ALAS1: variants seen among roughly 807,000 people sequenced by gnomAD.
The protein encoded by ALAS1 is 5-aminolevulinate synthase, non-specific, mitochondrial.
A neutral mutation model predicts 59.6 loss-of-function variants in ALAS1; 29 were observed. The observed-to-expected ratio is 0.49, with a 90% CI of 0.36 to 0.66. The LOEUF is 0.66. Ranked by LOEUF, ALAS1 falls within the 30% of genes least tolerant of loss-of-function variation. The probability of loss-of-function intolerance (pLI) is 0.00; values close to 1 mark genes in which losing one functional copy is unlikely to be tolerated. For missense variants in ALAS1, 690 were observed against 807.5 expected (o/e 0.85, Z 1.76); for synonymous variants, 299 against 296.6 (o/e 1.01, Z -0.08).
In ALAS1 at chr3:52,204,780, T is replaced by A. The variant is rs1218573706; in HGVS notation, c.665T>A (p.Val222Glu). Residue 222 changes from valine (V) to glutamate (E), a missense_variant, in exon 6 of 12, where the codon GTG becomes GAG. Transcript: ENST00000484952. ...CACACCTATCGAGTTTTTAAAACTG[T>A]GAACCGGCGAGCACACATCTTCCCC... The part of the protein sequence containing the change: ...NDHTYRVFKT[V>E]NRRAHIFPMA... 1 of 1,614,180 alleles carries A rather than the reference T, an allele frequency of 6.2e-7. No individual in the cohort carries two copies. Among genetic ancestry groups the A allele is most frequent in the Non-Finnish European group, 8.5e-7 (1 of 1,180,038 alleles).
At chr3:52,201,218 G>C (rs541551285) in intron 3 of ALAS1, among the ~76,000 whole-genome samples, 2 of 152,338 alleles carry the variant, frequency 1.3e-5, no homozygotes, top group Non-Finnish European at 2.9e-5. Flanking sequence ...TGCTCAAGGG[G>C]AGAGGGAAGT....
chr3:52,204,957 G>A (rs770386748), intron 6 of ALAS1, 42 bp downstream of exon 6: 1 of 1,538,338 alleles, frequency 6.5e-7, no homozygotes, highest in Non-Finnish European at 9.0e-7. Context: ...TTGTTATTTG[G>A]CAAGCCAATG....
chr3:52,198,126 C>G (rs564394089), upstream of ALAS1: 13 of 398,280 alleles, frequency 3.3e-5, no homozygotes, highest in East Asian at 4.6e-4. Context: ...CGGTCACTCC[C>G]GCTGTATATT....
rs574961262 is a variant in ALAS1, at chr3:52,202,649, G to C, written c.342G>C (p.Gln114His). 3.1e-6 allele frequency: 5 copies of C among 1,614,194 alleles called. No homozygotes were observed. The South Asian group carries it at 5.5e-5, about 18-fold the overall frequency. ...TASKCPFLAA[Q>H]MNQRGSSVFC... is the part of the protein sequence containing the mutation. Reference sequence around the variant, plus strand: ...GCAAATGCCCTTTCCTGGCAGCACAGATGAATCAGAGAGGCAGCAGTGTCT... The same window carrying C: ...GCAAATGCCCTTTCCTGGCAGCACACATGAATCAGAGAGGCAGCAGTGTCT... The change falls in exon 4 of 12, where the codon CAG (glutamine) becomes CAC (histidine). Residue 114 changes from glutamine (Q) to histidine (H), a missense_variant. Gln to His is a conservative substitution (Grantham distance 24, BLOSUM62 0). Coordinates refer to ENST00000484952, the MANE Select transcript of ALAS1 (RefSeq NM_000688.6).
Position 52,198,665 on chromosome 3 carries a change from T to C in ALAS1, c.-209-7T>C. The stretch of plus-strand genomic sequence containing the variant: ...CCCTACCCTCATTTGTGCCCCTCCT[T>C]TCTCAGTTATGCCCAGTTCTTCCCG... On this transcript the variant is annotated splice_polypyrimidine_tract_variant and splice_region_variant and intron_variant, in intron 1 of 11. Coordinates refer to ENST00000484952, the MANE Select transcript of ALAS1 (RefSeq NM_000688.6). 1.3e-6 allele frequency: 1 copy of C among 789,040 alleles called. No individual in the cohort carries two copies. Among genetic ancestry groups the C allele is most frequent in the African/African-American group, 1.7e-5 (1 of 58,332 alleles). The allele number at this position is 789,040 out of a possible 1,614,324, so 48.9% of individuals were successfully genotyped here.
At chr3:52,202,796 C>T in intron 4 of ALAS1, 62 bp downstream of exon 4, 4 of 1,509,624 alleles carry the variant, frequency 2.6e-6, no homozygotes, top group Non-Finnish European at 2.7e-6. Context: ...CTTTTGGGCC[C>T]TCAGATTTGT....
In ALAS1 at chr3:52,198,858, G is replaced by A. The variant is rs1193470529; in HGVS notation, c.-33+10G>A. On this transcript the variant is annotated intron_variant, in intron 2 of 11. Transcript: ENST00000484952. ...TCTTCTCCACCTAGATGTAAGCCAA[G>A]ATGTCTTATCTGCACTGTGCATCTC... The A allele has an allele frequency of 1.3e-6, 2 of 1,535,662 alleles. No homozygotes were observed. The highest frequency in any genetic ancestry group is 2.4e-5 in the East Asian group (1 of 40,914).
intron 9 of ALAS1, 103 bp downstream of exon 9, chr3:52,208,350 T>TATGAA: frequency 7.6e-7 from 1 of 1,313,166 alleles, no homozygotes; most frequent in Non-Finnish European, 1.1e-6. Flanking sequence ...CCTGACAGCA[T>TATGAA]ATGAAGCCTG....
At chr3:52,207,292 C>T (rs995160673) in intron 8 of ALAS1, among the ~76,000 whole-genome samples, 5 of 152,084 alleles carry the variant, frequency 3.3e-5, no homozygotes, top group Non-Finnish European at 7.4e-5. Context: ...TGTGAGCCAC[C>T]GCACCTGGCC....
At chr3:52,199,117 C>A in intron 2 of ALAS1, 93 bp from the exon 3 acceptor site, 1 of 1,273,832 alleles carries the variant, frequency 7.9e-7, no homozygotes, top group East Asian at 2.5e-5. Flanking sequence ...TCCAGGGTAC[C>A]CTTTATATAA....
chr3:52,205,919 A>C lies in ALAS1; in HGVS notation c.881A>C (p.Glu294Ala). The part of the protein sequence containing the change: ...SGTSKFHVDL[E>A]RELADLHGKD... ...ACTAGTAAATTCCATGTGGACTTAG[A>C]GCGGGAGCTGGCAGACCTCCATGGG... The change falls in exon 7 of 12, where the codon GAG (glutamate) becomes GCG (alanine). Residue 294 changes from glutamate (E) to alanine (A), a missense_variant. Physicochemically the swap from Glu to Ala is moderately radical, Grantham distance 107 (BLOSUM62 -1). Coordinates refer to ENST00000484952, the MANE Select transcript of ALAS1 (RefSeq NM_000688.6). The C allele has an allele frequency of 6.2e-7, 1 of 1,614,154 alleles. No individual in the cohort carries two copies. Among genetic ancestry groups the C allele is most frequent in the Non-Finnish European group, 8.5e-7 (1 of 1,180,014 alleles).
At chr3:52,208,692 T>C (rs1699344524) in intron 9 of ALAS1, among the ~76,000 whole-genome samples, 1 of 152,228 alleles carries the variant, frequency 6.6e-6, no homozygotes. Flanking sequence ...CTCTTCCTCA[T>C]ACAGAGGCTA....
rs1220485673 is a variant in ALAS1, at chr3:52,198,160, AG to A, written c.-303del. 1 of 398,432 alleles carries A rather than the reference AG, an allele frequency of 2.5e-6. No homozygotes were observed. Among genetic ancestry groups the A allele is most frequent in the African/African-American group, 2.1e-5 (1 of 48,630 alleles). The allele number at this position is 398,432 out of a possible 1,614,324, so 24.7% of individuals were successfully genotyped here. On this transcript the variant is annotated 5_prime_UTR_variant, in exon 1 of 12. Coordinates refer to ENST00000484952, the MANE Select transcript of ALAS1 (RefSeq NM_000688.6). ...TTAAGGCGCCGGCGATCGCGGCCTG[AG>A]GCTGCTCCCGGACAAGGGCAACGAG...
intron 5 of ALAS1, 121 bp downstream of exon 5, chr3:52,204,133 C>T: frequency 9.8e-7 from 1 of 1,019,688 alleles, no homozygotes; most frequent in East Asian, 2.8e-5. Context: ...AATCCCAGCA[C>T]TTTGGGAGGC....
chr3:52,213,688 G>A (rs1442691436), intron 11 of ALAS1, among the ~76,000 whole-genome samples: 1 of 152,110 alleles, frequency 6.6e-6, no homozygotes, highest in Non-Finnish European at 1.5e-5. Context: ...TGTCTCTATG[G>A]ATTTGCCTTT....
At chr3:52,207,520 C>T (rs935257641) in intron 8 of ALAS1, among the ~76,000 whole-genome samples, 2 of 151,040 alleles carry the variant, frequency 1.3e-5, no homozygotes, top group African/African-American at 2.4e-5. Flanking sequence ...GGTACATGTG[C>T]GGGTTTATTA....
Position 52,206,585 on chromosome 3 carries a change from C to G in ALAS1, c.999C>G (p.Tyr333Ter). Residue 333 changes from tyrosine to a stop codon, truncating the protein, a stop_gained, in exon 8 of 12, where the codon TAC becomes TAG. Transcript: ENST00000484952. LOFTEE classifies it high-confidence loss of function. ...LAKMMPGCEIYSDSGNHASMI... is the reference protein window; with the variant it reads ...LAKMMPGCEI ...TTGTTGTCTTAGGCTGTGAGATTTA[C>G]TCTGATTCTGGGAACCATGCCTCCA... is the stretch of plus-strand genomic sequence containing the variant. 6.2e-7 allele frequency: 1 copy of G among 1,614,180 alleles called. No homozygotes were observed. The highest frequency in any genetic ancestry group is 8.5e-7 in the Non-Finnish European group (1 of 1,180,016).
intron 9 of ALAS1, among the ~76,000 whole-genome samples, chr3:52,209,181 G>A (rs1249947832): frequency 6.6e-6 from 1 of 152,170 alleles, no homozygotes; most frequent in African/African-American, 2.4e-5. Flanking sequence ...ACCTGATCAT[G>A]TGTCTTAATT....
chr3:52,206,200 C>T (rs926492363), intron 7 of ALAS1, among the ~76,000 whole-genome samples, 177 bp downstream of exon 7: 2 of 152,172 alleles, frequency 1.3e-5, no homozygotes, highest in African/African-American at 2.4e-5. Context: ...TCCAGGAGAA[C>T]GTGATACCAG....
Sources: gnomAD v4.1 joint callset for allele counts (sites outside exome capture counted in the v4.1 genomes callset) on GRCh38, gnomAD v4.1.1 for gene constraint, MANE v1.5 for transcripts, NCBI Gene and HGNC (gene_info 2026-07-23, HGNC 2026-07-21) for gene names.